PREX1: variants seen among roughly 807,000 people sequenced by gnomAD.
PREX1 encodes the protein phosphatidylinositol-3,4,5-trisphosphate dependent Rac exchange factor 1.
Under a neutral mutation model 198.3 loss-of-function variants are expected in PREX1, and 41 were observed. The ratio of observed to expected loss-of-function variants is 0.21; its 90% CI spans 0.16 to 0.27. The LOEUF (loss-of-function observed/expected upper bound fraction) is 0.27. Ranked by LOEUF, PREX1 falls within the 10% of genes least tolerant of loss-of-function variation. PREX1 has a pLI of 1.00. For synonymous variants in PREX1, 843 were observed against 887.2 expected, an observed-to-expected ratio of 0.95 and a Z score of 0.89; for missense variants, 1,620 against 2,200.7, an observed-to-expected ratio of 0.74 and a Z score of 5.28.
At chr20:48,765,823 TA>T (rs2090205504) in intron 1 of PREX1, among the ~76,000 whole-genome samples, 1 of 152,148 alleles carries the variant, frequency 6.6e-6, no homozygotes, top group African/African-American at 2.4e-5. Context: ...CGTGGGCTGT[TA>T]GGAACCGGGC....
At chr20:48,747,965 T>C in intron 1 of PREX1, 85 bp from the exon 2 acceptor site, 1 of 1,259,120 alleles carries the variant, frequency 7.9e-7, no homozygotes, top group Non-Finnish European at 1.1e-6. Flanking sequence ...CAAGTTCAAA[T>C]GCCAACTAGG....
At chr20:48,845,441 C>A in the PREX1 span, among the ~76,000 whole-genome samples, 2 of 152,148 alleles carry the variant, frequency 1.3e-5, no homozygotes, top group Non-Finnish European at 2.9e-5. Flanking sequence ...CAGTGGCTCA[C>A]GCTGTAATCT....
intron 38 of PREX1, 109 bp downstream of exon 38, chr20:48,627,752 G>T: frequency 7.2e-7 from 1 of 1,389,512 alleles, no homozygotes; most frequent in Non-Finnish European, 1.0e-6. Context: ...ATTCAGAGAA[G>T]GCTCAGGTCT....
At chr20:48,872,815 A>C in the PREX1 span, among the ~76,000 whole-genome samples, 1 of 152,126 alleles carries the variant, frequency 6.6e-6, no homozygotes, top group South Asian at 2.1e-4. Context: ...AGGAAGGACA[A>C]CCTGTTCAAA....
At chr20:48,683,191 G>T (rs948132082) in intron 10 of PREX1, among the ~76,000 whole-genome samples, 24 of 152,218 alleles carry the variant, frequency 1.6e-4, no homozygotes, top group African/African-American at 5.8e-4. Flanking sequence ...CCCACTCTCG[G>T]AAGCCCACCA....
intron 1 of PREX1, among the ~76,000 whole-genome samples, chr20:48,820,952 C>G (rs758149256): frequency 6.6e-6 from 1 of 152,218 alleles, no homozygotes; most frequent in Non-Finnish European, 1.5e-5. Flanking sequence ...ATAATCCCAG[C>G]ACTGTGGGAG....
intron 1 of PREX1, among the ~76,000 whole-genome samples, chr20:48,766,224 C>G (rs2090207354): frequency 6.6e-6 from 1 of 152,160 alleles, no homozygotes; most frequent in Non-Finnish European, 1.5e-5. Context: ...TGAAACCATC[C>G]CTTCCCCACC....
chr20:48,827,806 G>GGGCGCAGTCCCC lies in PREX1; in HGVS notation c.43_54dup (p.Gly15_Ala18dup), dbSNP rs752582467. 0.013 allele frequency: 13,546 copies of GGGCGCAGTCCCC among 1,056,348 alleles called. 112 individuals carry two copies. Among genetic ancestry groups the GGGCGCAGTCCCC allele is most frequent in the Non-Finnish European group, 0.015 (12,762 of 871,968 alleles). 65.4% of individuals were successfully genotyped at this position (1,056,348 alleles called of 1,614,324 possible). ...GCGCCAGGGGCCCGGGGGTCCGGGT[G>GGGCGCAGTCCCC]GGCGCAGTCCCCGGCCCCGTCGCCG... On this transcript the variant is annotated inframe_insertion, in exon 1 of 40. Transcript: ENST00000371941. This position sits in a 1 kb window ranked among gnomAD's most constrained non-coding sequence, Gnocchi z 4.1.
the PREX1 span, among the ~76,000 whole-genome samples, chr20:48,872,569 C>A: frequency 6.6e-6 from 1 of 152,056 alleles, no homozygotes; most frequent in African/African-American, 2.4e-5. Context: ...CATGGTGAAA[C>A]CCCATCTATA....
chr20:48,634,709 A>T lies in PREX1; in HGVS notation c.4234T>A (p.Ser1412Thr). ...TAGTTCTCGTCCAGCTGCTTAAAGG[A>T]GAAGGTGACATTGTCCAGCTCTGAC... ...TLSELDNVTFSFKQLDENYVA... is the reference protein window; with the variant it reads ...TLSELDNVTFTFKQLDENYVA... Residue 1412 changes from serine (S) to threonine (T), a missense_variant, in exon 33 of 40, where the codon TCC becomes ACC. Physicochemically the swap from Ser to Thr is moderately conservative, Grantham distance 58. Coordinates refer to ENST00000371941, the MANE Select transcript of PREX1 (RefSeq NM_020820.4). 2 of 1,614,218 alleles carry T rather than the reference A, an allele frequency of 1.2e-6. No individual in the cohort carries two copies. The highest frequency in any genetic ancestry group is 2.2e-5 in the South Asian group (2 of 91,086).
intron 32 of PREX1, 129 bp from the exon 33 acceptor site, chr20:48,634,904 G>A (rs1300445477): frequency 4.2e-6 from 3 of 708,014 alleles, no homozygotes; most frequent in Non-Finnish European, 5.0e-6. Context: ...GGTCCTGAGC[G>A]TGACTCTCCA....
chr20:48,677,991 A>G (rs1007393811), intron 13 of PREX1, among the ~76,000 whole-genome samples: 3 of 152,004 alleles, frequency 2.0e-5, no homozygotes, highest in Admixed American at 6.6e-5. Context: ...GTCTCAAAAA[A>G]AGAAAAAAAA....
rs191025939 is a variant in PREX1, at chr20:48,807,668, C to T, written c.219+19974G>A. The stretch of plus-strand genomic sequence containing the variant: ...TTTAAAGACACTGCCAATGTATTTT[C>T]CCCCAAGGCAGCAATCATGAACACT... On this transcript the variant is annotated intron_variant, in intron 1 of 39. Coordinates refer to ENST00000371941, the MANE Select transcript of PREX1 (RefSeq NM_020820.4). 8.6e-4 allele frequency among the ~76,000 whole-genome samples: 127 copies of T among 148,254 alleles called. 2 individuals are homozygous for T. In the South Asian group the frequency reaches 0.02, roughly 23 times the overall value.
chr20:48,651,884 G>C (rs1035301898), intron 21 of PREX1, among the ~76,000 whole-genome samples: 3 of 152,254 alleles, frequency 2.0e-5, no homozygotes, highest in African/African-American at 7.2e-5. Context: ...AGTCAGAACA[G>C]GGAGAGCCAT....
intron 14 of PREX1, among the ~76,000 whole-genome samples, chr20:48,668,362 G>A (rs1474190872): frequency 1.3e-5 from 2 of 152,218 alleles, no homozygotes; most frequent in South Asian, 2.1e-4. Flanking sequence ...TGCTGGGAAC[G>A]GGGCTGACCT....
chr20:48,885,546 T>G, the PREX1 span, among the ~76,000 whole-genome samples: 1 of 152,198 alleles, frequency 6.6e-6, no homozygotes, highest in African/African-American at 2.4e-5. Flanking sequence ...GCAATCACAC[T>G]GTTTGGTATT....
At chr20:48,669,731 T>G (rs868142370) in intron 14 of PREX1, among the ~76,000 whole-genome samples, 12 of 152,350 alleles carry the variant, frequency 7.9e-5, no homozygotes, top group Non-Finnish European at 1.3e-4. Context: ...TGAGACACTC[T>G]GTGCAAGACC....
chr20:48,626,900 A>G (rs1349846130), intron 39 of PREX1, among the ~76,000 whole-genome samples: 4 of 152,206 alleles, frequency 2.6e-5, no homozygotes, highest in African/African-American at 9.7e-5. Context: ...AGAGGATCAG[A>G]CGGAAACAAC....
chr20:48,879,948 A>T, the PREX1 span, among the ~76,000 whole-genome samples: 1 of 152,346 alleles, frequency 6.6e-6, no homozygotes, highest in East Asian at 1.9e-4. Flanking sequence ...ATGGTGGGAC[A>T]TATGGTCCAT....
Sources: allele counts gnomAD v4.1 joint callset (sites outside exome capture counted in the v4.1 genomes callset), GRCh38; gene constraint gnomAD v4.1.1; non-coding constraint Gnocchi (gnomAD v3.1); transcripts MANE v1.5; gene names NCBI Gene and HGNC (gene_info 2026-07-23, HGNC 2026-07-21).